Variants in SLC68A1 observed in about 807,000 individuals in gnomAD.
The protein encoded by SLC68A1 is major facilitator superfamily domain containing 13A.
At chr10:102,467,967 G>GT in the SLC68A1 span, among the ~76,000 whole-genome samples, 1 of 151,984 alleles carries the variant, frequency 6.6e-6, no homozygotes, top group Non-Finnish European at 1.5e-5. Flanking sequence ...GGGTCTCAGG[G>GT]TTTTTATAAG....
At chr10:102,476,495 G>GCA in the SLC68A1 span, 1 of 985,782 alleles carries the variant, frequency 1.0e-6, no homozygotes, top group African/African-American at 1.7e-5. Flanking sequence ...ATGAGCCACC[G>GCA]CACTCGGCCA....
chr10:102,467,527 A>G, the SLC68A1 span, among the ~76,000 whole-genome samples: 33 of 152,302 alleles, frequency 2.2e-4, no homozygotes, highest in Middle Eastern at 3.4e-3. Flanking sequence ...AGCTTTGAGG[A>G]AAAAAAGAAA....
At chr10:102,463,118 G>C in the SLC68A1 span, among the ~76,000 whole-genome samples, 1 of 151,890 alleles carries the variant, frequency 6.6e-6, no homozygotes, top group Non-Finnish European at 1.5e-5. Flanking sequence ...AGCTGAGGGA[G>C]CCTGGTGGAG....
the SLC68A1 span, chr10:102,469,761 G>T: frequency 1.3e-6 from 1 of 751,666 alleles, no homozygotes; most frequent in East Asian, 1.3e-4. Context: ...TGGCCAGGCT[G>T]GTCTCAAACT....
At chr10:102,474,268 A>G in the SLC68A1 span, among the ~76,000 whole-genome samples, 3 of 152,182 alleles carry the variant, frequency 2.0e-5, no homozygotes, top group Non-Finnish European at 4.4e-5. Context: ...CTAACCATGA[A>G]TAAGATAGAC....
the SLC68A1 span, among the ~76,000 whole-genome samples, chr10:102,462,820 G>A: frequency 1.3e-5 from 2 of 152,198 alleles, no homozygotes; most frequent in East Asian, 3.8e-4. Flanking sequence ...TTAGCACAGT[G>A]CTGTGCACCC....
chr10:102,472,063 CA>C, the SLC68A1 span: 1 of 455,200 alleles, frequency 2.2e-6, no homozygotes. Context: ...TTCGGGACGC[CA>C]AGGTGGAAAG....
chr10:102,475,948 G>A, the SLC68A1 span: 1 of 1,612,566 alleles, frequency 6.2e-7, no homozygotes, highest in Middle Eastern at 1.7e-4. Flanking sequence ...GCCAGAACCT[G>A]TCACAGGCCC....
At chr10:102,469,700 C>A in the SLC68A1 span, 3 of 247,172 alleles carry the variant, frequency 1.2e-5, no homozygotes, top group Non-Finnish European at 1.9e-5. Context: ...GCACCCGCCA[C>A]CACGCCCGGC....
At chr10:102,473,193 G>T in the SLC68A1 span, among the ~76,000 whole-genome samples, 1 of 152,110 alleles carries the variant, frequency 6.6e-6, no homozygotes, top group Non-Finnish European at 1.5e-5. Flanking sequence ...GGTGTGGTGG[G>T]TGTTGAGGGG....
the SLC68A1 span, chr10:102,473,494 C>A: frequency 2.8e-6 from 4 of 1,430,748 alleles, no homozygotes; most frequent in Non-Finnish European, 3.8e-6. Flanking sequence ...GGAATGCAGT[C>A]GGCTGTGAAG....
At chr10:102,474,537 A>C in the SLC68A1 span, among the ~76,000 whole-genome samples, 1 of 152,230 alleles carries the variant, frequency 6.6e-6, no homozygotes, top group Non-Finnish European at 1.5e-5. Context: ...CAGCAGGCGC[A>C]AAGGCCCAGG....
At chr10:102,470,710 G>A in the SLC68A1 span, 2 of 1,612,846 alleles carry the variant, frequency 1.2e-6, no homozygotes, top group Non-Finnish European at 1.7e-6. Context: ...TGGCCCGGGT[G>A]CAGGCCCTGG....
chr10:102,476,028 T>TA, the SLC68A1 span: 1 of 1,289,520 alleles, frequency 7.8e-7, no homozygotes, highest in Admixed American at 3.2e-5. Flanking sequence ...GCTGGCAGCC[T>TA]GGGGAAGGAG....
the SLC68A1 span, among the ~76,000 whole-genome samples, chr10:102,465,267 G>GA: frequency 7.5e-6 from 1 of 134,104 alleles, no homozygotes; most frequent in African/African-American, 2.8e-5. Context: ...TCTACAAAAA[G>GA]AAAAAAAATT....
the SLC68A1 span, among the ~76,000 whole-genome samples, chr10:102,474,944 G>T: frequency 1.3e-3 from 192 of 149,592 alleles, 2 homozygotes; most frequent in Middle Eastern, 0.027. Context: ...CACCACGCCC[G>T]GCCAGGGAGG....
At chr10:102,474,095 C>T in the SLC68A1 span, 56 of 1,422,940 alleles carry the variant, frequency 3.9e-5, 1 homozygote, top group Admixed American at 1.2e-3. Context: ...AGCCTGGGCT[C>T]TGGGTCCAGT....
At chr10:102,473,920 C>T in the SLC68A1 span, 8 of 1,613,860 alleles carry the variant, frequency 5.0e-6, no homozygotes, top group East Asian at 2.2e-5. Flanking sequence ...CAGGCAGCCT[C>T]GGCACTCCTC....
At chr10:102,476,867 G>A in the SLC68A1 span, 1 of 985,584 alleles carries the variant, frequency 1.0e-6, no homozygotes, top group Non-Finnish European at 1.2e-6. Context: ...AAAGCTGACT[G>A]TAAGTCCCAC....
Sources: gnomAD v4.1 joint callset for allele counts (sites outside exome capture counted in the v4.1 genomes callset) on GRCh38, gnomAD v4.1.1 for gene constraint, MANE v1.5 for transcripts, NCBI Gene and HGNC (gene_info 2026-07-23, HGNC 2026-07-21) for gene names.